The following CSNK1G1 variants were observed in gnomAD, a reference collection of about 807,000 sequenced individuals.
CSNK1G1 encodes casein kinase 1 gamma 1, also known as casein kinase I isoform gamma-1.
Under a neutral mutation model 59.6 loss-of-function variants are expected in CSNK1G1, and 22 were observed. That is an observed-to-expected ratio of 0.37 (90% CI 0.26 to 0.53). The LOEUF (loss-of-function observed/expected upper bound fraction) is 0.53, where lower values mean the gene tolerates loss of function less well. Ranked by LOEUF, CSNK1G1 falls within the 20% of genes least tolerant of loss-of-function variation. The pLI is 0.89. For synonymous variants in CSNK1G1, 179 were observed against 177.1 expected (o/e 1.01, Z -0.08); for missense variants, 384 against 519.5 (o/e 0.74, Z 2.54).
Position 64,296,976 on chromosome 15 carries a change from A to G in CSNK1G1, c.181+3343T>C, listed in dbSNP as rs527799571. On this transcript the variant is annotated intron_variant, in intron 2 of 11. Coordinates refer to ENST00000303052, the MANE Select transcript of CSNK1G1 (RefSeq NM_022048.5). Reference sequence around the variant, plus strand: ...TTTTTTTTTTTGCTGTTTGGAACCGATAGGTCTACTATCTACCACCACCCC... The same window carrying G: ...TTTTTTTTTTTGCTGTTTGGAACCGGTAGGTCTACTATCTACCACCACCCC... Among the ~76,000 whole-genome samples, 15 of 125,186 alleles carry G rather than the reference A, an allele frequency of 1.2e-4. No homozygotes were observed. The South Asian group carries it at 3.9e-3, about 32-fold the overall frequency. 82.1% of individuals were successfully genotyped at this position (125,186 alleles called of 152,430 possible).
At chr15:64,207,934 T>C (rs897505473) in intron 6 of CSNK1G1, among the ~76,000 whole-genome samples, 7 of 152,192 alleles carry the variant, frequency 4.6e-5, no homozygotes, top group Non-Finnish European at 8.8e-5. Context: ...TTCCAGTATA[T>C]GGGCTACAAT....
intron 10 of CSNK1G1, among the ~76,000 whole-genome samples, chr15:64,190,467 T>C (rs1476281346): frequency 6.6e-6 from 1 of 152,186 alleles, no homozygotes; most frequent in Non-Finnish European, 1.5e-5. Flanking sequence ...CAGGCTAAAG[T>C]GCAATGGCGC....
Position 64,251,579 on chromosome 15 carries a change from T to C in CSNK1G1, c.225A>G (p.Glu75=). 6.2e-7 allele frequency: 1 copy of C among 1,610,346 alleles called. No homozygotes were observed. The highest frequency in any genetic ancestry group is 8.5e-7 in the Non-Finnish European group (1 of 1,177,398). Residue 75 remains glutamate, a splice_region_variant and synonymous_variant, in exon 4 of 12, where the codon GAA becomes GAG. Transcript: ENST00000303052. Reference sequence around the variant, plus strand: ...GCTGTGGAGCACGTGATTTTATTGGTTCCTGAAATCCAAAAAGAAAAACTG... The same window carrying C: ...GCTGTGGAGCACGTGATTTTATTGGCTCCTGAAATCCAAAAAGAAAAACTG... The part of the protein sequence containing the change: ...YTNEYVAIKL[E]PIKSRAPQLH...
intron 1 of CSNK1G1, among the ~76,000 whole-genome samples, chr15:64,339,293 GTTT>G (rs928624304): frequency 6.6e-6 from 1 of 152,026 alleles, no homozygotes; most frequent in African/African-American, 2.4e-5. Context: ...AGCAATCTGT[GTTT>G]TTTTGTTTTT....
chr15:64,259,874 CATCTCA>C (rs1306175062), intron 2 of CSNK1G1, among the ~76,000 whole-genome samples: 1 of 152,228 alleles, frequency 6.6e-6, no homozygotes, highest in Non-Finnish European at 1.5e-5. Flanking sequence ...AACACTTACA[CATCTCA>C]AAGTTCTTCC....
intron 11 of CSNK1G1, among the ~76,000 whole-genome samples, chr15:64,172,624 G>T (rs2081688130): frequency 6.6e-6 from 1 of 152,102 alleles, no homozygotes; most frequent in African/African-American, 2.4e-5. Flanking sequence ...CTTTTCATTT[G>T]CAGGGGACCA....
chr15:64,354,380 T>C (rs913016235), intron 1 of CSNK1G1, among the ~76,000 whole-genome samples: 1 of 152,210 alleles, frequency 6.6e-6, no homozygotes, highest in African/African-American at 2.4e-5. Context: ...TAAAGAGACA[T>C]GTGATGTTAA....
chr15:64,230,955 C>G (rs1368490217), intron 4 of CSNK1G1, among the ~76,000 whole-genome samples: 2 of 151,946 alleles, frequency 1.3e-5, no homozygotes, highest in African/African-American at 4.8e-5. Context: ...GCCTGGGTGA[C>G]AGAGCGAGAA....
intron 4 of CSNK1G1, among the ~76,000 whole-genome samples, chr15:64,227,420 C>T (rs2082477449): frequency 6.6e-6 from 1 of 152,150 alleles, no homozygotes; most frequent in South Asian, 2.1e-4. Flanking sequence ...TGTAGGTAAA[C>T]AACTATGCAG....
chr15:64,253,937 C>T (rs371124054), intron 3 of CSNK1G1, among the ~76,000 whole-genome samples: 25 of 151,864 alleles, frequency 1.6e-4, no homozygotes, highest in African/African-American at 2.7e-4. Context: ...CTCAGGAGTT[C>T]GAGACCAGCC....
At chr15:64,305,459 T>C (rs1895629988) in intron 1 of CSNK1G1, among the ~76,000 whole-genome samples, 1 of 152,020 alleles carries the variant, frequency 6.6e-6, no homozygotes, top group Non-Finnish European at 1.5e-5. Flanking sequence ...CTCACATCTG[T>C]AATCCCAGTG....
chr15:64,175,052 A>G (rs2081725570), intron 11 of CSNK1G1, among the ~76,000 whole-genome samples: 1 of 130,268 alleles, frequency 7.7e-6, no homozygotes, highest in South Asian at 2.5e-4. Flanking sequence ...ATAAGCATAT[A>G]GCAGGCCCTC....
At chr15:64,245,997 A>G (rs1891733243) in intron 4 of CSNK1G1, among the ~76,000 whole-genome samples, 1 of 152,204 alleles carries the variant, frequency 6.6e-6, no homozygotes, top group South Asian at 2.1e-4. Context: ...ACATACAGTT[A>G]GAAGCAATAA....
intron 4 of CSNK1G1, among the ~76,000 whole-genome samples, chr15:64,223,483 A>G (rs1408705743): frequency 6.6e-6 from 1 of 152,162 alleles, no homozygotes; most frequent in Non-Finnish European, 1.5e-5. Flanking sequence ...TCTTTGATCA[A>G]TGGTATATTG....
At chr15:64,248,659 G>A (rs1460983076) in intron 4 of CSNK1G1, among the ~76,000 whole-genome samples, 1 of 152,148 alleles carries the variant, frequency 6.6e-6, no homozygotes, top group South Asian at 2.1e-4. Flanking sequence ...ATATCCCAAT[G>A]TTCTTCCTCA....
At chr15:64,340,276 C>T (rs1376419146) in intron 1 of CSNK1G1, among the ~76,000 whole-genome samples, 1 of 152,140 alleles carries the variant, frequency 6.6e-6, no homozygotes, top group Non-Finnish European at 1.5e-5. Flanking sequence ...TTCTTTAAAA[C>T]TTGAGTACAA....
chr15:64,240,998 G>T (rs1401188290), intron 4 of CSNK1G1, among the ~76,000 whole-genome samples: 1 of 152,072 alleles, frequency 6.6e-6, no homozygotes, highest in Non-Finnish European at 1.5e-5. Context: ...TTAACAAAAT[G>T]AGAGGAGTAA....
chr15:64,204,824 T>C (rs745914786), intron 8 of CSNK1G1, 41 bp downstream of exon 8: 2 of 1,390,388 alleles, frequency 1.4e-6, no homozygotes, highest in Non-Finnish European at 2.0e-6. Flanking sequence ...CTACCTAGTT[T>C]CAAAGCTCAG....
chr15:64,283,177 A>C (rs1894235141), intron 2 of CSNK1G1, among the ~76,000 whole-genome samples: 1 of 152,170 alleles, frequency 6.6e-6, no homozygotes, highest in African/African-American at 2.4e-5. Flanking sequence ...CAAAAAGTGT[A>C]TCTAAAGTGA....
Sources: allele counts gnomAD v4.1 joint callset (sites outside exome capture counted in the v4.1 genomes callset), GRCh38; gene constraint gnomAD v4.1.1; transcripts MANE v1.5; gene names NCBI Gene and HGNC (gene_info 2026-07-23, HGNC 2026-07-21).